TRPV3: variants seen among roughly 807,000 people sequenced by gnomAD.
TRPV3 encodes the protein VRL-3.
A neutral mutation model predicts 87.1 loss-of-function variants in TRPV3; 88 were observed. That is an observed-to-expected ratio of 1.01 (90% CI 0.85 to 1.21). TRPV3 has a LOEUF of 1.21. Among genes scored for constraint, TRPV3 ranks in the 50% most tolerant of loss-of-function variants. TRPV3 has a pLI of 0.00. For missense variants in TRPV3, 1,054 were observed against 1,030.1 expected, an observed-to-expected ratio of 1.02 and a Z score of -0.32; for synonymous variants, 438 against 423.3, an observed-to-expected ratio of 1.03 and a Z score of -0.43.
At chr17:3,519,422 T>TGGATGGATGGA (rs143820760) in intron 14 of TRPV3, among the ~76,000 whole-genome samples, 118 of 111,270 alleles carry the variant, frequency 1.1e-3, no homozygotes, top group African/African-American at 3.8e-3. Context: ...GGATGGATGA[T>TGGATGGATGGA]TGGATGGATG....
intron 3 of TRPV3, 87 bp downstream of exon 3, chr17:3,545,080 C>G (rs1000092337): frequency 2.4e-6 from 2 of 830,938 alleles, no homozygotes; most frequent in Non-Finnish European, 4.0e-6. Context: ...CCAGGCCTGG[C>G]CCCGTGACCC....
rs1179899198 is a variant in TRPV3 at position 3,530,692 on chromosome 17, CCGTGGGA to C, written c.1066-496_1066-490del. Among the ~76,000 whole-genome samples, 1 of 152,140 alleles carries C rather than the reference CCGTGGGA, an allele frequency of 6.6e-6. No individual in the cohort carries two copies. Among genetic ancestry groups the C allele is most frequent in the Non-Finnish European group, 1.5e-5 (1 of 68,034 alleles). ...GAGACACCACGCCCTACAGGGAGGC[CCGTGGGA>C]CTTCGGTAGGCCAGTGATCCTCAAA... is the stretch of plus-strand genomic sequence containing the variant. On this transcript the variant is annotated intron_variant, in intron 8 of 17. Coordinates refer to ENST00000576742, the MANE Select transcript of TRPV3 (RefSeq NM_145068.4). The surrounding 1 kb of genome is among the most constrained non-coding windows in gnomAD (Gnocchi z 4.0).
At chr17:3,525,586 C>T (rs898576185) in intron 12 of TRPV3, among the ~76,000 whole-genome samples, 21 of 151,650 alleles carry the variant, frequency 1.4e-4, no homozygotes, top group Non-Finnish European at 1.3e-4. Flanking sequence ...GGGTGCAATG[C>T]TAACTTTTAT....
In TRPV3 at chr17:3,532,707, T is replaced by C. The variant is rs1412379241; in HGVS notation, c.1015A>G (p.Asn339Asp). The C allele has an allele frequency of 1.9e-6, 3 of 1,614,230 alleles. No individual in the cohort carries two copies. The highest frequency in any genetic ancestry group is 2.2e-5 in the East Asian group (1 of 44,876). Residue 339 changes from asparagine (N) to aspartate (D), a missense_variant, in exon 8 of 18, where the codon AAC becomes GAC. Asn to Asp is a conservative substitution (Grantham distance 23). Transcript: ENST00000576742. ...GNWELETTRN[N>D]DGLTPLQLAA... ...AGCTGCAGCGGCGTGAGGCCATCGT[T>C]GTTGCGAGTGGTCTCCAGCTCCCAG...
chr17:3,554,221 G>A (rs1227833538), intron 2 of TRPV3: 1 of 153,804 alleles, frequency 6.5e-6, no homozygotes, highest in Non-Finnish European at 1.4e-5. Flanking sequence ...TGAGCACTTT[G>A]TTGACTTGAT....
intron 2 of TRPV3, among the ~76,000 whole-genome samples, chr17:3,548,183 GC>G (rs1238458001): frequency 6.6e-6 from 1 of 152,128 alleles, no homozygotes; most frequent in Non-Finnish European, 1.5e-5. Context: ...GGACCAACAT[GC>G]CCCTTCCTTC....
rs1360356656 is a variant in TRPV3 at position 3,542,826 on chromosome 17, T to TA, written c.467-129dup. 6.3e-6 allele frequency: 6 copies of TA among 958,588 alleles called. No individual in the cohort carries two copies. The Admixed American group carries it at 1.4e-4, about 23-fold the overall frequency. 59.4% of individuals were successfully genotyped at this position (958,588 alleles called of 1,614,324 possible). A position where few individuals can be genotyped will look rare whatever the true frequency, so the allele number is the denominator to read the frequency against. Reference sequence around the variant, plus strand: ...GCTCCACATCTCCACTCCCAGACCTTACACTTGGCCGCTCTCCTCCCTCTC... The same window carrying TA: ...GCTCCACATCTCCACTCCCAGACCTTAACACTTGGCCGCTCTCCTCCCTCTC... On this transcript the variant is annotated intron_variant, in intron 5 of 17. Coordinates refer to ENST00000576742, the MANE Select transcript of TRPV3 (RefSeq NM_145068.4).
rs2074232666 is a variant in TRPV3 at position 3,520,008 on chromosome 17, GGA to G, written c.1810+963_1810+964del. Among the ~76,000 whole-genome samples, 3 of 141,536 alleles carry G rather than the reference GGA, an allele frequency of 2.1e-5. No homozygotes were observed. In the East Asian group the frequency reaches 5.8e-4, roughly 28 times the overall value. The allele number at this position is 141,536 out of a possible 152,430, so 92.9% of individuals were successfully genotyped here. On this transcript the variant is annotated intron_variant, in intron 14 of 17. Transcript: ENST00000576742. ...TGGATGGATGGATGGATGGATGGAT[GGA>G]TGGACGGATAGACAGGTGGATGAGC... is the stretch of plus-strand genomic sequence containing the variant.
rs1264075572 is a variant in TRPV3 at position 3,557,520 on chromosome 17, G to A, written c.-3+156C>T. On this transcript the variant is annotated intron_variant, in intron 1 of 17. Coordinates refer to ENST00000576742, the MANE Select transcript of TRPV3 (RefSeq NM_145068.4). The surrounding 1 kb of genome is among the most constrained non-coding windows in gnomAD (Gnocchi z 4.5). Reference sequence around the variant, plus strand: ...GCCAAGAGTGCCTCCCTACAGCCAAGAGTGGGCCCCTGGCTGGGGCCCAAG... The same window carrying A: ...GCCAAGAGTGCCTCCCTACAGCCAAAAGTGGGCCCCTGGCTGGGGCCCAAG... 6.6e-6 allele frequency among the ~76,000 whole-genome samples: 1 copy of A among 152,198 alleles called. No individual in the cohort carries two copies. The highest frequency in any genetic ancestry group is 1.5e-5 in the Non-Finnish European group (1 of 68,030).
intron 2 of TRPV3, chr17:3,554,472 C>T (rs1240458645): frequency 5.4e-6 from 2 of 371,252 alleles, no homozygotes; most frequent in Non-Finnish European, 9.5e-6. Context: ...CCTGACTGCT[C>T]CTGCCTCAGC....
At position 3,532,904 on chromosome 17, in the gene TRPV3, T is replaced by C. The variant is rs1414646988; in HGVS notation, c.818A>G (p.Asn273Ser). The change falls in exon 8 of 18, where the codon AAC (asparagine) becomes AGC (serine). Residue 273 changes from asparagine to serine, a missense_variant. Coordinates refer to ENST00000576742, the MANE Select transcript of TRPV3 (RefSeq NM_145068.4). ...CAGCAGCTGCACAATCTCGGGCTGG[T>C]TGGTGCATGCTGCCAGGGCCAGGGG... ...ETPLALAACT[N>S]QPEIVQLLME... is the part of the protein sequence containing the mutation. The C allele has an allele frequency of 6.2e-7, 1 of 1,614,032 alleles. No homozygotes were observed. The highest frequency in any genetic ancestry group is 1.3e-5 in the African/African-American group (1 of 74,908).
At chr17:3,546,322 G>A (rs937891518) in intron 2 of TRPV3, among the ~76,000 whole-genome samples, 1 of 151,326 alleles carries the variant, frequency 6.6e-6, no homozygotes, top group Non-Finnish European at 1.5e-5. Flanking sequence ...CATGCCTGTA[G>A]TCCCAGCTAC....
intron 13 of TRPV3, among the ~76,000 whole-genome samples, chr17:3,521,513 C>T (rs1243647778): frequency 6.6e-6 from 1 of 152,120 alleles, no homozygotes; most frequent in African/African-American, 2.4e-5. Flanking sequence ...GTGTTGTGTA[C>T]TAGAAATTTG....
At chr17:3,545,888 G>T (rs559704738) in intron 2 of TRPV3, among the ~76,000 whole-genome samples, 2 of 151,452 alleles carry the variant, frequency 1.3e-5, no homozygotes, top group Admixed American at 1.3e-4. Flanking sequence ...TACTCGGGAG[G>T]CTGAGACAGG....
At chr17:3,515,973 G>A (rs866606245) in intron 16 of TRPV3, among the ~76,000 whole-genome samples, 1 of 152,124 alleles carries the variant, frequency 6.6e-6, no homozygotes, top group Non-Finnish European at 1.5e-5. Context: ...GATCACCTGA[G>A]GTCAGGAGTT....
intron 2 of TRPV3, among the ~76,000 whole-genome samples, chr17:3,549,663 G>A (rs1172115391): frequency 6.6e-6 from 1 of 152,116 alleles, no homozygotes; most frequent in Admixed American, 6.6e-5. Context: ...TGGATGGATG[G>A]ATGGACAGAT....
At chr17:3,546,552 T>C (rs1035510957) in intron 2 of TRPV3, 3 of 429,002 alleles carry the variant, frequency 7.0e-6, no homozygotes, top group Admixed American at 2.4e-5. Flanking sequence ...CCTCTTGTCC[T>C]GTAGTGTCAA....
In TRPV3 at chr17:3,545,151, T is replaced by G; in HGVS notation, c.224+16A>C. 1 of 1,600,334 alleles carries G rather than the reference T, an allele frequency of 6.2e-7. No homozygotes were observed. Among genetic ancestry groups the G allele is most frequent in the East Asian group, 2.2e-5 (1 of 44,800 alleles). ...CTGGGCCCAGGGCAAGGGGTTGGGC[T>G]GGGGCCCGTACTCACCACTGCCGGA... On this transcript the variant is annotated intron_variant, in intron 3 of 17. Coordinates refer to ENST00000576742, the MANE Select transcript of TRPV3 (RefSeq NM_145068.4).
At chr17:3,527,023 G>C (rs2074306390) in intron 11 of TRPV3, 96 bp from the exon 12 acceptor site, 1 of 970,572 alleles carries the variant, frequency 1.0e-6, no homozygotes, top group African/African-American at 1.6e-5. Context: ...GACTCAGTGA[G>C]GGTTGAATGC....
Sources: gnomAD v4.1 joint callset for allele counts (sites outside exome capture counted in the v4.1 genomes callset) on GRCh38, gnomAD v4.1.1 for gene constraint, Gnocchi (gnomAD v3.1) non-coding constraint, MANE v1.5 for transcripts, NCBI Gene and HGNC (gene_info 2026-07-23, HGNC 2026-07-21) for gene names.